The following CAMK1D variants were observed in gnomAD, a reference collection of about 807,000 sequenced individuals.
The protein encoded by CAMK1D is calcium/calmodulin dependent protein kinase ID.
CAMK1D carries 9 observed loss-of-function variants against 47.7 expected under a neutral mutation model. The observed-to-expected ratio is 0.19, with a 90% CI of 0.11 to 0.33. The LOEUF is 0.33. CAMK1D is among the 10% of genes least tolerant of loss of function. CAMK1D has a pLI of 1.00. For missense variants in CAMK1D, 291 were observed against 488.7 expected, an observed-to-expected ratio of 0.60 and a Z score of 3.81; for synonymous variants, 184 against 184.9, an observed-to-expected ratio of 0.99 and a Z score of 0.04.
chr10:12,758,560 A>C (rs11257972), intron 3 of CAMK1D, among the ~76,000 whole-genome samples: 1 of 152,228 alleles, frequency 6.6e-6, no homozygotes. Flanking sequence ...AGTACATGCT[A>C]TCCTTTGATG....
chr10:12,422,332 A>G (rs1010994026), intron 1 of CAMK1D, among the ~76,000 whole-genome samples: 8 of 152,174 alleles, frequency 5.3e-5, no homozygotes, highest in Admixed American at 5.2e-4. Flanking sequence ...CAAAGAAGGG[A>G]GTCTTGCCTT....
chr10:12,776,445 G>A (rs1179825467), intron 5 of CAMK1D, among the ~76,000 whole-genome samples: 4 of 152,166 alleles, frequency 2.6e-5, no homozygotes, highest in Non-Finnish European at 4.4e-5. Flanking sequence ...GATTCTCGCT[G>A]TTCGTAGTCA....
chr10:12,648,860 A>T (rs1365402135), intron 2 of CAMK1D, among the ~76,000 whole-genome samples: 1 of 152,154 alleles, frequency 6.6e-6, no homozygotes, highest in Non-Finnish European at 1.5e-5. Flanking sequence ...ATTTTGTATA[A>T]TAGGCATCTG....
chr10:12,438,057 T>A (rs866536103), intron 1 of CAMK1D, among the ~76,000 whole-genome samples: 1 of 152,206 alleles, frequency 6.6e-6, no homozygotes. Context: ...ATAAACTGTT[T>A]AGGTGCAGTG....
intron 2 of CAMK1D, among the ~76,000 whole-genome samples, chr10:12,560,485 G>A (rs527823973): frequency 1.3e-4 from 19 of 150,662 alleles, no homozygotes; most frequent in Admixed American, 6.6e-4. Flanking sequence ...CCCAGGAGGT[G>A]GAAGTTGCAG....
chr10:12,783,075 C>T (rs1341105446), intron 5 of CAMK1D, among the ~76,000 whole-genome samples: 1 of 151,570 alleles, frequency 6.6e-6, no homozygotes, highest in African/African-American at 2.4e-5. Flanking sequence ...TCACTGCAAC[C>T]TCCACCTCCT....
At chr10:12,699,638 G>C (rs113782997) in intron 3 of CAMK1D, among the ~76,000 whole-genome samples, 1 of 151,420 alleles carries the variant, frequency 6.6e-6, no homozygotes, top group African/African-American at 2.4e-5. Flanking sequence ...CTACAGTTAG[G>C]GCTGTAACTT....
chr10:12,727,349 A>G (rs1355290605), intron 3 of CAMK1D, among the ~76,000 whole-genome samples: 1 of 152,212 alleles, frequency 6.6e-6, no homozygotes, highest in Non-Finnish European at 1.5e-5. Context: ...AGCAGGCATC[A>G]CTGGTCTGTG....
At position 12,632,929 on chromosome 10, in the gene CAMK1D, A is replaced by T. The variant is rs143019152; in HGVS notation, c.225-33807A>T. ...AGGCTGGTCTCAATCTCCTGACCTC[A>T]TGATCCGCCCACCTCAGCCTCCCAA... On this transcript the variant is annotated intron_variant, in intron 2 of 10. Transcript: ENST00000619168. 6.7e-3 allele frequency among the ~76,000 whole-genome samples: 1,013 copies of T among 152,166 alleles called. 10 individuals carry two copies. The highest frequency in any genetic ancestry group is 8.7e-3 in the Non-Finnish European group (590 of 67,980).
rs34313574 is a variant in CAMK1D at position 12,715,724 on chromosome 10, C to CTT, written c.300-45208_300-45207dup. 7.2e-4 allele frequency among the ~76,000 whole-genome samples: 93 copies of CTT among 128,718 alleles called. 1 individual carries two copies. The highest frequency in any genetic ancestry group is 2.3e-3 in the Admixed American group (29 of 12,762). The allele number at this position is 128,718 out of a possible 152,430, so 84.4% of individuals were successfully genotyped here. On this transcript the variant is annotated intron_variant, in intron 3 of 10. Transcript: ENST00000619168. ...GGGAGAAGTGTGGGATGGCATTTGCCTTTTTTTTTTTTTTTTTAGATGAAG... is the reference window on the plus strand; with the variant it reads ...GGGAGAAGTGTGGGATGGCATTTGCCTTTTTTTTTTTTTTTTTTTAGATGAAG...
chr10:12,591,428 C>T (rs1447329855), intron 2 of CAMK1D, among the ~76,000 whole-genome samples: 1 of 152,264 alleles, frequency 6.6e-6, no homozygotes, highest in Non-Finnish European at 1.5e-5. Context: ...CACCTGCCAA[C>T]AGCTGCCACC....
intron 4 of CAMK1D, among the ~76,000 whole-genome samples, chr10:12,768,222 G>A (rs1002914329): frequency 4.6e-5 from 7 of 152,158 alleles, no homozygotes; most frequent in South Asian, 4.1e-4. Context: ...CCTTACTGGC[G>A]AATCATGAGG....
chr10:12,753,441 G>A (rs1836080393), intron 3 of CAMK1D, among the ~76,000 whole-genome samples: 1 of 152,192 alleles, frequency 6.6e-6, no homozygotes, highest in Admixed American at 6.5e-5. Context: ...GTCATGCTAG[G>A]TTGATAGCTC....
intron 6 of CAMK1D, among the ~76,000 whole-genome samples, chr10:12,792,220 A>G (rs1431717596): frequency 1.3e-5 from 2 of 152,226 alleles, no homozygotes; most frequent in Non-Finnish European, 2.9e-5. Flanking sequence ...GAGACGTCTT[A>G]TCTCCATAAC....
At chr10:12,470,749 T>A (rs1833720992) in intron 1 of CAMK1D, among the ~76,000 whole-genome samples, 1 of 152,170 alleles carries the variant, frequency 6.6e-6, no homozygotes, top group African/African-American at 2.4e-5. Context: ...ACTCCTGGCC[T>A]CAAGGGATAC....
At chr10:12,383,071 A>G (rs1042132403) in intron 1 of CAMK1D, among the ~76,000 whole-genome samples, 10 of 151,960 alleles carry the variant, frequency 6.6e-5, no homozygotes, top group Admixed American at 1.3e-4. Context: ...ACTTCTCTCT[A>G]TGTATTCTAG....
chr10:12,772,670 A>G (rs1473995699), intron 5 of CAMK1D, among the ~76,000 whole-genome samples: 1 of 152,222 alleles, frequency 6.6e-6, no homozygotes, highest in Admixed American at 6.5e-5. Context: ...AGAAGAGTCC[A>G]TCGCTCTTGC....
At chr10:12,357,692 C>T (rs751303943) in intron 1 of CAMK1D, among the ~76,000 whole-genome samples, 23 of 152,080 alleles carry the variant, frequency 1.5e-4, no homozygotes, top group Non-Finnish European at 2.4e-4. Flanking sequence ...AGCGGACCCA[C>T]GTTATTTTCC....
At chr10:12,511,437 CA>C (rs920663990) in intron 1 of CAMK1D, among the ~76,000 whole-genome samples, 2 of 150,592 alleles carry the variant, frequency 1.3e-5, no homozygotes, top group Admixed American at 6.6e-5. Context: ...CCTGTCTCTA[CA>C]AAAAAAAATA....
Sources: allele counts gnomAD v4.1 joint callset (sites outside exome capture counted in the v4.1 genomes callset), GRCh38; gene constraint gnomAD v4.1.1; transcripts MANE v1.5; gene names NCBI Gene and HGNC (gene_info 2026-07-23, HGNC 2026-07-21).